The following SUPT3H variants were observed in gnomAD, a reference collection of about 807,000 sequenced individuals.
The protein encoded by SUPT3H is SPT3 homolog, SAGA and STAGA complex component, also known as transcription initiation protein SPT3 homolog.
A neutral mutation model predicts 44.3 loss-of-function variants in SUPT3H; 44 were observed. That is an observed-to-expected ratio of 0.99 (90% CI 0.78 to 1.28). The LOEUF (loss-of-function observed/expected upper bound fraction) is 1.28, where lower values mean the gene tolerates loss of function less well. Ranked by LOEUF, SUPT3H falls within the 50% of genes most tolerant of loss-of-function variation. The pLI, the probability that SUPT3H is intolerant of heterozygous loss-of-function variation, is 0.00. For synonymous variants in SUPT3H, 124 were observed against 125.6 expected (o/e 0.99, Z 0.09); for missense variants, 380 against 387.1 (o/e 0.98, Z 0.15).
At chr6:45,077,644 AAAAG>A (rs1187374556) in intron 3 of SUPT3H, among the ~76,000 whole-genome samples, 3 of 85,584 alleles carry the variant, frequency 3.5e-5, no homozygotes, top group African/African-American at 1.3e-4. Flanking sequence ...AAAAAAAAAG[AAAAG>A]AAAAAAAAAA....
intron 2 of SUPT3H, among the ~76,000 whole-genome samples, chr6:45,180,995 C>G (rs1412482969): frequency 2.6e-5 from 4 of 151,144 alleles, no homozygotes; most frequent in Non-Finnish European, 5.9e-5. Context: ...TATCCAGAAT[C>G]TACAATGAAC....
chr6:44,944,957 C>G (rs1773103530), intron 9 of SUPT3H, among the ~76,000 whole-genome samples: 2 of 151,764 alleles, frequency 1.3e-5, no homozygotes, highest in African/African-American at 4.8e-5. Flanking sequence ...GTAAGTTTTG[C>G]AAATTTAAGG....
At chr6:44,912,568 T>C (rs1767223593) in intron 10 of SUPT3H, among the ~76,000 whole-genome samples, 2 of 152,168 alleles carry the variant, frequency 1.3e-5, no homozygotes, top group Non-Finnish European at 2.9e-5. Context: ...CTCTCTACAC[T>C]GTGGGACCTG....
At chr6:45,358,621 T>A (rs1793674478) in intron 2 of SUPT3H, among the ~76,000 whole-genome samples, 1 of 152,206 alleles carries the variant, frequency 6.6e-6, no homozygotes, top group South Asian at 2.1e-4. Flanking sequence ...ACACTATGTG[T>A]TTTAATTCAA....
intron 9 of SUPT3H, among the ~76,000 whole-genome samples, chr6:44,940,719 T>C (rs1219634485): frequency 6.6e-6 from 1 of 152,122 alleles, no homozygotes; most frequent in Non-Finnish European, 1.5e-5. Context: ...TCTAGTAATA[T>C]TTGTTTCATG....
At chr6:44,839,953 G>A (rs1396982698) in intron 10 of SUPT3H, among the ~76,000 whole-genome samples, 5 of 152,174 alleles carry the variant, frequency 3.3e-5, no homozygotes, top group African/African-American at 1.2e-4. Context: ...GCCCGCCTTG[G>A]CCTCCCAAAG....
intron 2 of SUPT3H, among the ~76,000 whole-genome samples, chr6:45,300,803 T>C (rs1160330357): frequency 2.1e-5 from 3 of 140,008 alleles, no homozygotes; most frequent in Non-Finnish European, 3.1e-5. Context: ...AAAGTGGGGG[T>C]GGGTGTTAGG....
chr6:45,223,467 G>A (rs894622486), intron 2 of SUPT3H, among the ~76,000 whole-genome samples: 8 of 151,842 alleles, frequency 5.3e-5, no homozygotes, highest in East Asian at 1.9e-4. Flanking sequence ...TACTAAATTC[G>A]TATGTACCTA....
intron 3 of SUPT3H, among the ~76,000 whole-genome samples, chr6:45,033,647 C>A (rs1168259734): frequency 6.6e-6 from 1 of 152,158 alleles, no homozygotes; most frequent in Non-Finnish European, 1.5e-5. Flanking sequence ...AGATAGGTAT[C>A]ATAACTTATA....
chr6:45,144,132 C>T (rs552303002), intron 2 of SUPT3H, among the ~76,000 whole-genome samples: 9 of 152,116 alleles, frequency 5.9e-5, no homozygotes, highest in East Asian at 1.9e-4. Context: ...GAAGAACTGA[C>T]GCCACTTAGT....
intron 2 of SUPT3H, among the ~76,000 whole-genome samples, chr6:45,214,662 T>C (rs1256364083): frequency 1.3e-5 from 2 of 152,088 alleles, no homozygotes. Context: ...GCCTGAGCAA[T>C]ACAGTGAGCT....
chr6:45,142,736 CAAAAAA>C (rs70993502), intron 2 of SUPT3H, among the ~76,000 whole-genome samples: 4 of 14,958 alleles, frequency 2.7e-4, no homozygotes, highest in South Asian at 5.5e-3. Flanking sequence ...AACTCCGTCT[CAAAAAA>C]AAAAAAAAAA....
chr6:45,250,776 G>A (rs916615120), intron 2 of SUPT3H, among the ~76,000 whole-genome samples: 8 of 150,574 alleles, frequency 5.3e-5, no homozygotes, highest in Admixed American at 3.3e-4. Flanking sequence ...ATCAAGTAAG[G>A]GGAAAAAAGG....
At chr6:45,108,559 A>G (rs557903027) in intron 2 of SUPT3H, among the ~76,000 whole-genome samples, 1 of 152,160 alleles carries the variant, frequency 6.6e-6, no homozygotes, top group Non-Finnish European at 1.5e-5. Context: ...ATATAACTAC[A>G]TTAATTTAGA....
At chr6:45,163,527 T>C (rs1242051990) in intron 2 of SUPT3H, among the ~76,000 whole-genome samples, 1 of 152,176 alleles carries the variant, frequency 6.6e-6, no homozygotes, top group Non-Finnish European at 1.5e-5. Context: ...TGGAAATCAT[T>C]CTTTTCCAAA....
At chr6:45,209,290 A>G (rs1185966630) in intron 2 of SUPT3H, among the ~76,000 whole-genome samples, 2 of 152,196 alleles carry the variant, frequency 1.3e-5, no homozygotes, top group African/African-American at 4.8e-5. Flanking sequence ...TGCCACAGAT[A>G]GTGATTCCTC....
chr6:44,857,495 A>C (rs1388718652), intron 10 of SUPT3H, among the ~76,000 whole-genome samples: 1 of 152,228 alleles, frequency 6.6e-6, no homozygotes, highest in African/African-American at 2.4e-5. Flanking sequence ...GTTTAGCTCA[A>C]TGTTAACTGG....
intron 2 of SUPT3H, among the ~76,000 whole-genome samples, chr6:45,224,361 T>C (rs1316457050): frequency 6.6e-6 from 1 of 152,174 alleles, no homozygotes; most frequent in Non-Finnish European, 1.5e-5. Flanking sequence ...GCTGAAAGAA[T>C]GTTTCTCACT....
intron 2 of SUPT3H, among the ~76,000 whole-genome samples, chr6:45,278,060 A>C (rs1777318124): frequency 6.9e-6 from 1 of 144,842 alleles, no homozygotes; most frequent in South Asian, 2.4e-4. Context: ...CTCACGCATA[A>C]GTGGGAGTTG....
Sources: allele counts gnomAD v4.1 joint callset (sites outside exome capture counted in the v4.1 genomes callset), GRCh38; gene constraint gnomAD v4.1.1; transcripts MANE v1.5; gene names NCBI Gene and HGNC (gene_info 2026-07-23, HGNC 2026-07-21).